The following EPHB2 variants were observed in gnomAD, a reference collection of about 807,000 sequenced individuals.
EPHB2 encodes the protein EPH receptor B2, also known as ephrin type-B receptor 2.
Under a neutral mutation model 96.4 loss-of-function variants are expected in EPHB2, and 18 were observed. That is an observed-to-expected ratio of 0.19 (90% CI 0.13 to 0.28). The LOEUF is 0.28. Among genes scored for constraint, EPHB2 ranks in the 10% least tolerant of loss-of-function variants. The probability of loss-of-function intolerance (pLI) is 1.00; values close to 1 mark genes in which losing one functional copy is unlikely to be tolerated. For missense variants in EPHB2, 989 were observed against 1,355.4 expected, an observed-to-expected ratio of 0.73 and a Z score of 4.25; for synonymous variants, 506 against 534.1, an observed-to-expected ratio of 0.95 and a Z score of 0.72.
chr1:22,880,430 T>C (rs111700574), intron 5 of EPHB2, among the ~76,000 whole-genome samples: 2,249 of 152,244 alleles, frequency 0.015, 53 homozygotes, highest in African/African-American at 0.051. Context: ...CGTCTGCTTG[T>C]CACAGACCCG....
rs1640190686 is a variant in EPHB2, at chr1:22,913,773, A to T, written c.*203A>T. 2 of 1,608,248 alleles carry T rather than the reference A, an allele frequency of 1.2e-6. No individual in the cohort carries two copies. Among genetic ancestry groups the T allele is most frequent in the Non-Finnish European group, 1.7e-6 (2 of 1,177,136 alleles). ...GACGGAAAAAAAAAGGGAATGGGAA[A>T]AAAGAAAACAGATCCTGGGAGGGGG... On this transcript the variant is annotated 3_prime_UTR_variant, in exon 16 of 16. Transcript: ENST00000374630. This position sits in a 1 kb window ranked among gnomAD's most constrained non-coding sequence, Gnocchi z 4.1.
At position 22,865,069 on chromosome 1, in the gene EPHB2, G is replaced by A. The variant is rs1638426442; in HGVS notation, c.1160G>A (p.Gly387Asp). Reference protein sequence around the residue: ...DNVQYAPRQLGLTEPRIYISD... With the variant: ...DNVQYAPRQLDLTEPRIYISD... ...GTACAGTACGCACCACGCCAGCTAG[G>A]CCTGACCGAGCCACGCATTTACATC... The change falls in exon 5 of 16, where the codon GGC becomes GAC. Residue 387 changes from glycine (G) to aspartate (D), a missense_variant. Gly to Asp is a moderately conservative substitution (Grantham distance 94). Transcript: ENST00000374630. The A allele has an allele frequency of 6.2e-7, 1 of 1,614,066 alleles. No individual in the cohort carries two copies. Among genetic ancestry groups the A allele is most frequent in the African/African-American group, 1.3e-5 (1 of 74,916 alleles).
intron 3 of EPHB2, among the ~76,000 whole-genome samples, chr1:22,841,024 A>G (rs1442231836): frequency 6.6e-6 from 1 of 152,190 alleles, no homozygotes; most frequent in Non-Finnish European, 1.5e-5. Flanking sequence ...GAGACTAAGT[A>G]GCAATTACTA....
chr1:22,863,372 C>T (rs1638346734), intron 4 of EPHB2, 180 bp downstream of exon 4: 2 of 912,496 alleles, frequency 2.2e-6, no homozygotes, highest in Non-Finnish European at 1.7e-6. Context: ...ACCTTGCAGA[C>T]ACCACAGTGC....
chr1:22,725,212 G>A (rs1338475551), intron 1 of EPHB2, among the ~76,000 whole-genome samples: 2 of 152,140 alleles, frequency 1.3e-5, no homozygotes, highest in Admixed American at 6.5e-5. Context: ...TTGGATGAGT[G>A]GATGAGTTAT....
At chr1:22,769,921 G>C (rs149118877) in intron 1 of EPHB2, among the ~76,000 whole-genome samples, 4 of 152,188 alleles carry the variant, frequency 2.6e-5, no homozygotes, top group African/African-American at 9.7e-5. Flanking sequence ...AACCGAAGTG[G>C]GATGCTGGGC....
chr1:22,777,183 G>T (rs1644464648), intron 1 of EPHB2, among the ~76,000 whole-genome samples: 1 of 152,136 alleles, frequency 6.6e-6, no homozygotes, highest in South Asian at 2.1e-4. Flanking sequence ...GAGGTACAAG[G>T]GTGAGAAAAC....
chr1:22,828,245 T>A (rs1359175568), intron 3 of EPHB2, among the ~76,000 whole-genome samples: 1 of 152,158 alleles, frequency 6.6e-6, no homozygotes, highest in Non-Finnish European at 1.5e-5. Context: ...CCTCAGGGAC[T>A]GCAGTGTGGG....
At chr1:22,727,801 A>C (rs1380598786) in intron 1 of EPHB2, among the ~76,000 whole-genome samples, 2 of 150,912 alleles carry the variant, frequency 1.3e-5, no homozygotes, top group East Asian at 3.9e-4. Context: ...AAAAACAAAA[A>C]AAAAAAAAAC....
chr1:22,877,680 C>T (rs903751737), intron 5 of EPHB2, among the ~76,000 whole-genome samples: 24 of 152,188 alleles, frequency 1.6e-4, no homozygotes, highest in African/African-American at 5.8e-4. Context: ...CAAGCAGCCG[C>T]GTGGCAGGTG....
At chr1:22,813,137 C>G (rs1645026067) in intron 3 of EPHB2, among the ~76,000 whole-genome samples, 2 of 152,184 alleles carry the variant, frequency 1.3e-5, no homozygotes, top group African/African-American at 4.8e-5. Context: ...TTTCTGTTTA[C>G]AAAGCATATC....
intron 3 of EPHB2, among the ~76,000 whole-genome samples, chr1:22,805,009 C>T (rs1291312428): frequency 2.6e-5 from 4 of 152,082 alleles, no homozygotes; most frequent in Non-Finnish European, 4.4e-5. Context: ...CTCCTCAACC[C>T]AGACACATTG....
At chr1:22,857,903 C>T (rs755020546) in intron 3 of EPHB2, among the ~76,000 whole-genome samples, 1 of 152,216 alleles carries the variant, frequency 6.6e-6, no homozygotes, top group Non-Finnish European at 1.5e-5. Flanking sequence ...CCGGCTCCTC[C>T]TCCCCTTTCC....
chr1:22,896,721 T>C (rs919984460), intron 9 of EPHB2, among the ~76,000 whole-genome samples: 2 of 152,148 alleles, frequency 1.3e-5, no homozygotes, highest in African/African-American at 4.8e-5. Flanking sequence ...GGCCTCACCA[T>C]ACACACACTC....
At chr1:22,830,728 T>A (rs1049517889) in intron 3 of EPHB2, among the ~76,000 whole-genome samples, 1 of 152,110 alleles carries the variant, frequency 6.6e-6, no homozygotes, top group East Asian at 1.9e-4. Flanking sequence ...TGGCTCATTT[T>A]GTATTTTTAG....
At chr1:22,801,088 C>T (rs1488149360) in intron 3 of EPHB2, among the ~76,000 whole-genome samples, 2 of 152,244 alleles carry the variant, frequency 1.3e-5, no homozygotes, top group Non-Finnish European at 2.9e-5. Context: ...CCAGACTCTG[C>T]TGCTTTCTAG....
intron 1 of EPHB2, among the ~76,000 whole-genome samples, chr1:22,761,336 G>A (rs749790090): frequency 5.9e-5 from 9 of 152,226 alleles, no homozygotes; most frequent in South Asian, 2.1e-4. Context: ...GGGAGGGATC[G>A]TGGGGGGAGA....
chr1:22,784,264 A>G lies in EPHB2; in HGVS notation c.127-128A>G. 1 of 844,214 alleles carries G rather than the reference A, an allele frequency of 1.2e-6. No homozygotes were observed. The highest frequency in any genetic ancestry group is 2.0e-6 in the Non-Finnish European group (1 of 505,382). 52.3% of individuals were successfully genotyped at this position (844,214 alleles called of 1,614,324 possible). On this transcript the variant is annotated intron_variant, in intron 2 of 15. Transcript: ENST00000374630. The surrounding 1 kb of genome is among the most constrained non-coding windows in gnomAD (Gnocchi z 5.1). ...GGCATGTCTCCCCCATCAGATTGGG[A>G]ATTCTCTGATGTCTTCACCATTAGA...
chr1:22,815,771 G>T (rs745729845), intron 3 of EPHB2, among the ~76,000 whole-genome samples: 1 of 152,194 alleles, frequency 6.6e-6, no homozygotes, highest in Non-Finnish European at 1.5e-5. Flanking sequence ...TGGTTTGCAG[G>T]CCCTGGGCGA....
Sources: allele counts gnomAD v4.1 joint callset (sites outside exome capture counted in the v4.1 genomes callset), GRCh38; gene constraint gnomAD v4.1.1; non-coding constraint Gnocchi (gnomAD v3.1); transcripts MANE v1.5; gene names NCBI Gene and HGNC (gene_info 2026-07-23, HGNC 2026-07-21).